Variants in LMCD1 observed in about 807,000 individuals in gnomAD.
LMCD1 encodes the protein LIM and cysteine rich domains 1, also known as LIM and cysteine-rich domains protein 1.
In LMCD1, 32 loss-of-function variants were observed where a neutral mutation model predicts 42.7. That is an observed-to-expected ratio of 0.75 (90% CI 0.57 to 1.01). The LOEUF (loss-of-function observed/expected upper bound fraction) is 1.01. Among genes scored for constraint, LMCD1 ranks in the 50% least tolerant of loss-of-function variants. The pLI is 0.00. For synonymous variants in LMCD1, 178 were observed against 184.9 expected, an observed-to-expected ratio of 0.96 and a Z score of 0.30; for missense variants, 458 against 483.1, an observed-to-expected ratio of 0.95 and a Z score of 0.49.
At chr3:8,563,406 A>C (rs1031338376) in intron 4 of LMCD1, among the ~76,000 whole-genome samples, 2 of 152,254 alleles carry the variant, frequency 1.3e-5, no homozygotes, top group Non-Finnish European at 2.9e-5. Flanking sequence ...GGCAGGGTGG[A>C]GCATTCCTTC....
intron 1 of LMCD1, among the ~76,000 whole-genome samples, chr3:8,519,148 AG>A (rs1453026367): frequency 6.6e-6 from 1 of 152,240 alleles, no homozygotes; most frequent in East Asian, 1.9e-4. Context: ...ACAGTCTAGC[AG>A]GAAACAATGA....
intron 1 of LMCD1, among the ~76,000 whole-genome samples, chr3:8,510,322 G>C (rs1169438261): frequency 1.3e-5 from 2 of 152,174 alleles, no homozygotes; most frequent in African/African-American, 4.8e-5. Context: ...CGGCCAGCCA[G>C]TCTCCTTGTT....
At chr3:8,525,006 A>G (rs2125018336) in intron 1 of LMCD1, among the ~76,000 whole-genome samples, 1 of 152,332 alleles carries the variant, frequency 6.6e-6, no homozygotes, top group East Asian at 1.9e-4. Context: ...TTTGATATTC[A>G]TATACATTGT....
intron 2 of LMCD1, among the ~76,000 whole-genome samples, chr3:8,534,812 G>A (rs1354751110): frequency 1.3e-5 from 2 of 152,188 alleles, no homozygotes; most frequent in Admixed American, 1.3e-4. Context: ...TGGAAAGAGT[G>A]GGGTGGGGTG....
intron 1 of LMCD1, among the ~76,000 whole-genome samples, chr3:8,502,649 G>A (rs1291387328): frequency 6.6e-6 from 1 of 150,414 alleles, no homozygotes; most frequent in African/African-American, 2.5e-5. Context: ...AGTGGCAGCA[G>A]TTCCAGCATA....
chr3:8,553,851 A>G (rs9811403), intron 4 of LMCD1, among the ~76,000 whole-genome samples: 4,510 of 152,244 alleles, frequency 0.03, 257 homozygotes, highest in African/African-American at 0.1. Flanking sequence ...TACTGCACCC[A>G]CTGTCACCCC....
At chr3:8,509,174 T>A (rs1278317801) in intron 1 of LMCD1, among the ~76,000 whole-genome samples, 1 of 152,192 alleles carries the variant, frequency 6.6e-6, no homozygotes, top group African/African-American at 2.4e-5. Context: ...GGATACCCCC[T>A]CTCATCAGCA....
At chr3:8,539,795 TTTATTATTATTATTATTATTA>T (rs71049735) in intron 3 of LMCD1, among the ~76,000 whole-genome samples, 1 of 139,842 alleles carries the variant, frequency 7.2e-6, no homozygotes, top group Non-Finnish European at 1.5e-5. Flanking sequence ...TCCCAACATT[TTTATTATTATTATTATTATTA>T]TTATTATTAT....
chr3:8,525,449 T>C (rs1247137373), intron 1 of LMCD1, among the ~76,000 whole-genome samples: 1 of 152,208 alleles, frequency 6.6e-6, no homozygotes, highest in Admixed American at 6.5e-5. Flanking sequence ...TGCCACATTT[T>C]CTTTTTCCAT....
At chr3:8,539,048 C>T (rs958866488) in intron 3 of LMCD1, among the ~76,000 whole-genome samples, 5 of 152,200 alleles carry the variant, frequency 3.3e-5, no homozygotes, top group Admixed American at 2.6e-4. Context: ...GAACTCATAT[C>T]AGAACAGAAT....
At chr3:8,533,486 C>T (rs1694451513) in intron 2 of LMCD1, among the ~76,000 whole-genome samples, 1 of 152,062 alleles carries the variant, frequency 6.6e-6, no homozygotes, top group Non-Finnish European at 1.5e-5. Flanking sequence ...TCTGTCCCTG[C>T]GGCCCTGGGA....
At chr3:8,539,046 A>C (rs1233179423) in intron 3 of LMCD1, among the ~76,000 whole-genome samples, 2 of 152,228 alleles carry the variant, frequency 1.3e-5, no homozygotes, top group African/African-American at 4.8e-5. Context: ...GAGAACTCAT[A>C]TCAGAACAGA....
rs888975070 is a variant in LMCD1, at chr3:8,506,560, G to A, written c.42+4580G>A. ...TCTCGCAACTCACTAGAGCTGACAG[G>A]GCTCCAGGAGAAGTATTCAATTTGA... On this transcript the variant is annotated intron_variant, in intron 1 of 5. Transcript: ENST00000157600. 3.9e-5 allele frequency among the ~76,000 whole-genome samples: 6 copies of A among 152,220 alleles called. 1 individual carries two copies. In the South Asian group the frequency reaches 1.0e-3, roughly 26 times the overall value.
chr3:8,556,640 G>A (rs1694937105), intron 4 of LMCD1, among the ~76,000 whole-genome samples: 1 of 152,128 alleles, frequency 6.6e-6, no homozygotes, highest in Non-Finnish European at 1.5e-5. Flanking sequence ...TAAGCCCCGG[G>A]CAAAGCCGTT....
chr3:8,554,282 T>C (rs530014181), intron 4 of LMCD1, among the ~76,000 whole-genome samples: 28 of 152,286 alleles, frequency 1.8e-4, no homozygotes, highest in Non-Finnish European at 4.0e-4. Flanking sequence ...CACGTGCTGA[T>C]GAGAGCGGGG....
At chr3:8,524,906 A>C (rs1214737231) in intron 1 of LMCD1, among the ~76,000 whole-genome samples, 1 of 152,098 alleles carries the variant, frequency 6.6e-6, no homozygotes, top group African/African-American at 2.4e-5. Context: ...ACTGGTCTCA[A>C]ACTCCTGGGC....
At chr3:8,507,333 T>G (rs1365259539) in intron 1 of LMCD1, among the ~76,000 whole-genome samples, 1 of 152,240 alleles carries the variant, frequency 6.6e-6, no homozygotes, top group East Asian at 1.9e-4. Flanking sequence ...GAAACACAAA[T>G]TTAGTATCTA....
intron 3 of LMCD1, among the ~76,000 whole-genome samples, chr3:8,546,990 A>G (rs900776265): frequency 6.6e-6 from 1 of 152,260 alleles, no homozygotes; most frequent in Non-Finnish European, 1.5e-5. Context: ...AATTATTACC[A>G]TTAATTGAAA....
chr3:8,548,695 G>C lies in LMCD1; in HGVS notation c.515G>C (p.Arg172Pro), dbSNP rs200280069. 14 of 1,614,050 alleles carry C rather than the reference G, an allele frequency of 8.7e-6. No individual in the cohort carries two copies. Among genetic ancestry groups the C allele is most frequent in the Non-Finnish European group, 1.2e-5 (14 of 1,180,034 alleles). The change falls in exon 4 of 6, where the codon CGT becomes CCT. Residue 172 changes from arginine to proline, a missense_variant. Physicochemically the swap from Arg to Pro is moderately radical, Grantham distance 103. Transcript: ENST00000157600. The stretch of plus-strand genomic sequence containing the variant: ...TATGACCAGGATCCCTCGCGCTGCC[G>C]TGGACTTTTGGAGAATGAGTTGAAA... ...PIYDQDPSRC[R>P]GLLENELKLM...
Sources: gnomAD v4.1 joint callset for allele counts (sites outside exome capture counted in the v4.1 genomes callset) on GRCh38, gnomAD v4.1.1 for gene constraint, MANE v1.5 for transcripts, NCBI Gene and HGNC (gene_info 2026-07-23, HGNC 2026-07-21) for gene names.